The following ATRNL1 variants were observed in gnomAD, a reference collection of about 807,000 sequenced individuals.
ATRNL1 encodes the protein attractin like 1.
Under a neutral mutation model 182.7 loss-of-function variants are expected in ATRNL1, and 95 were observed. That is an observed-to-expected ratio of 0.52 (90% CI 0.44 to 0.62). The LOEUF is 0.62. ATRNL1 is among the 20% of genes least tolerant of loss of function. ATRNL1 has a pLI of 0.00. For synonymous variants in ATRNL1, 576 were observed against 568.3 expected (o/e 1.01, Z -0.19); for missense variants, 1,471 against 1,679.5 (o/e 0.88, Z 2.17).
At chr10:115,637,324 T>C (rs1353447675) in intron 26 of ATRNL1, among the ~76,000 whole-genome samples, 2 of 152,008 alleles carry the variant, frequency 1.3e-5, no homozygotes, top group African/African-American at 4.8e-5. Context: ...TCCGGTGTAA[T>C]AAGATGTGGA....
At chr10:115,156,118 A>G (rs537738225) in intron 5 of ATRNL1, among the ~76,000 whole-genome samples, 16 of 152,284 alleles carry the variant, frequency 1.1e-4, no homozygotes, top group Admixed American at 2.0e-4. Context: ...TCAGGGGAAC[A>G]GGGACAGCAA....
chr10:115,739,916 G>C (rs578000709), intron 27 of ATRNL1, among the ~76,000 whole-genome samples: 5 of 152,006 alleles, frequency 3.3e-5, no homozygotes, highest in Non-Finnish European at 5.9e-5. Context: ...AATTTAACTT[G>C]TATATCCTTT....
At chr10:115,562,755 G>T (rs1005896887) in intron 26 of ATRNL1, among the ~76,000 whole-genome samples, 2 of 152,134 alleles carry the variant, frequency 1.3e-5, no homozygotes, top group Non-Finnish European at 2.9e-5. Flanking sequence ...TGCCATGATT[G>T]TAAGTTTGCT....
chr10:115,352,383 A>G (rs1856300509), intron 19 of ATRNL1, among the ~76,000 whole-genome samples: 1 of 151,818 alleles, frequency 6.6e-6, no homozygotes, highest in Non-Finnish European at 1.5e-5. Context: ...ATTTTCTAAG[A>G]TGCACTATTA....
intron 27 of ATRNL1, among the ~76,000 whole-genome samples, chr10:115,820,821 A>C (rs1213135699): frequency 6.6e-6 from 1 of 151,990 alleles, no homozygotes; most frequent in Non-Finnish European, 1.5e-5. Flanking sequence ...TAATGGGTAG[A>C]TGATATGGTT....
rs1847794216 is a variant in ATRNL1 at position 115,461,480 on chromosome 10, ATAT to A, written c.3323-456_3323-454del. On this transcript the variant is annotated intron_variant, in intron 21 of 28. Transcript: ENST00000355044. ...AACAAATAAATACATTATATGAGAA[ATAT>A]TATTTAGCTATCAAACTTCATGTTT... Among the ~76,000 whole-genome samples, 3 of 152,118 alleles carry A rather than the reference ATAT, an allele frequency of 2.0e-5. No homozygotes were observed. In the South Asian group the frequency reaches 6.2e-4, roughly 31 times the overall value.
chr10:115,799,250 A>G (rs1180347187), intron 27 of ATRNL1, among the ~76,000 whole-genome samples: 1 of 152,222 alleles, frequency 6.6e-6, no homozygotes, highest in Admixed American at 6.5e-5. Flanking sequence ...AACTCATATT[A>G]TTAATTGTAA....
At chr10:115,375,841 T>G (rs1180337330) in intron 19 of ATRNL1, among the ~76,000 whole-genome samples, 1 of 152,132 alleles carries the variant, frequency 6.6e-6, no homozygotes, top group Non-Finnish European at 1.5e-5. Flanking sequence ...CTTTTAAATT[T>G]TATACTACAG....
intron 1 of ATRNL1, among the ~76,000 whole-genome samples, chr10:115,118,691 T>G (rs782086939): frequency 1.3e-5 from 2 of 152,200 alleles, no homozygotes; most frequent in Non-Finnish European, 2.9e-5. Flanking sequence ...GGCTACTAAA[T>G]GCACTCTCAA....
intron 8 of ATRNL1, among the ~76,000 whole-genome samples, chr10:115,214,316 A>ATC (rs1849148540): frequency 1.3e-5 from 2 of 151,622 alleles, no homozygotes; most frequent in Admixed American, 1.3e-4. Context: ...TCAAATATAT[A>ATC]TATATATATA....
chr10:115,403,278 G>GTTTTTTTTTTTTTTTTTTTTTTTTT (rs1844665647), intron 20 of ATRNL1, among the ~76,000 whole-genome samples: 1 of 43,670 alleles, frequency 2.3e-5, no homozygotes, highest in African/African-American at 1.5e-4. Flanking sequence ...TTTTTTTTTA[G>GTTTTTTTTTTTTTTTTTTTTTTTTT]TCTGCTATAT....
intron 25 of ATRNL1, among the ~76,000 whole-genome samples, chr10:115,534,122 G>A (rs1231225337): frequency 2.6e-5 from 4 of 152,078 alleles, no homozygotes; most frequent in African/African-American, 9.7e-5. Flanking sequence ...TATTAGGTCT[G>A]CTTGGTGCAG....
chr10:115,535,614 A>G (rs1266234618), intron 25 of ATRNL1, among the ~76,000 whole-genome samples: 4 of 152,116 alleles, frequency 2.6e-5, no homozygotes, highest in African/African-American at 9.7e-5. Context: ...AACTCATCAG[A>G]GTCATTCTCC....
chr10:115,162,375 T>C (rs1224895844), intron 6 of ATRNL1, among the ~76,000 whole-genome samples: 1 of 151,904 alleles, frequency 6.6e-6, no homozygotes, highest in Non-Finnish European at 1.5e-5. Context: ...TTGCAGTTAT[T>C]TGTAGGCGCA....
chr10:115,233,701 A>G (rs1350281595), intron 9 of ATRNL1, among the ~76,000 whole-genome samples: 1 of 151,932 alleles, frequency 6.6e-6, no homozygotes, highest in Non-Finnish European at 1.5e-5. Flanking sequence ...TCCTGGTTTG[A>G]TAAGGGTTTA....
intron 26 of ATRNL1, among the ~76,000 whole-genome samples, chr10:115,559,447 C>T (rs868951648): frequency 5.2e-5 from 6 of 114,348 alleles, no homozygotes; most frequent in East Asian, 2.8e-4. Context: ...TGTGTGTGCG[C>T]GCGCGCACGC....
intron 27 of ATRNL1, among the ~76,000 whole-genome samples, chr10:115,813,593 G>A (rs1468365364): frequency 2.0e-5 from 3 of 151,854 alleles, no homozygotes; most frequent in Admixed American, 6.6e-5. Flanking sequence ...ACATTCTTTT[G>A]GCATTAGATT....
At position 115,129,535 on chromosome 10, in the gene ATRNL1, G is replaced by C; in HGVS notation, c.829G>C (p.Gly277Arg). Residue 277 changes from glycine to arginine, a missense_variant and splice_region_variant, in exon 5 of 29, where the codon GGT becomes CGT. By Grantham distance (125) the Gly-to-Arg change is moderately radical. This residue lies in a region of ATRNL1 where 1,031 missense variants were observed against 1,156.0 expected (regional missense o/e 0.89). Coordinates refer to ENST00000355044, the MANE Select transcript of ATRNL1 (RefSeq NM_207303.4). The stretch of plus-strand genomic sequence containing the variant: ...ATGTGTCTGCAATGATAGTTGGCAA[G>C]GTAAGCATGTGTGGTGTGATGGCTT... The part of the protein sequence containing the change: ...KLCVCNDSWQ[G>R]PDCSLNVPST... The C allele has an allele frequency of 6.2e-7, 1 of 1,613,340 alleles. No homozygotes were observed. The highest frequency in any genetic ancestry group is 8.5e-7 in the Non-Finnish European group (1 of 1,179,338).
chr10:115,251,023 CT>C (rs1175371098), intron 10 of ATRNL1, among the ~76,000 whole-genome samples: 2 of 152,148 alleles, frequency 1.3e-5, no homozygotes, highest in African/African-American at 4.8e-5. Context: ...TTTTGATCCT[CT>C]TTTTTGATAG....
Sources: gnomAD v4.1 joint callset for allele counts (sites outside exome capture counted in the v4.1 genomes callset) on GRCh38, gnomAD v4.1.1 for gene constraint, gnomAD v4.1.1 regional missense constraint, MANE v1.5 for transcripts, NCBI Gene and HGNC (gene_info 2026-07-23, HGNC 2026-07-21) for gene names.